The following PALM2AKAP2 variants were observed in gnomAD, a reference collection of about 807,000 sequenced individuals.
The protein encoded by PALM2AKAP2 is PALM2 and AKAP2 fusion.
A neutral mutation model predicts 71.5 loss-of-function variants in PALM2AKAP2; 37 were observed. That is an observed-to-expected ratio of 0.52 (90% confidence interval 0.40 to 0.68). The LOEUF (loss-of-function observed/expected upper bound fraction) is 0.68. Ranked by LOEUF, PALM2AKAP2 falls within the 30% of genes least tolerant of loss-of-function variation. The probability of loss-of-function intolerance (pLI) is 0.00; values close to 1 mark genes in which losing one functional copy is unlikely to be tolerated. For missense variants in PALM2AKAP2, 1,224 were observed against 1,191.8 expected, an observed-to-expected ratio of 1.03 and a Z score of -0.40; for synonymous variants, 468 against 478.8, an observed-to-expected ratio of 0.98 and a Z score of 0.29.
intron 1 of PALM2AKAP2, among the ~76,000 whole-genome samples, chr9:110,099,530 T>A (rs537543923): frequency 8.5e-5 from 13 of 152,312 alleles, no homozygotes; most frequent in Admixed American, 7.8e-4. Flanking sequence ...TTCCCTAAGA[T>A]GAACTTGAAG....
At chr9:109,963,368 A>T (rs1021094384) in intron 6 of PALM2AKAP2, among the ~76,000 whole-genome samples, 1 of 152,206 alleles carries the variant, frequency 6.6e-6, no homozygotes, top group Non-Finnish European at 1.5e-5. Flanking sequence ...TTTGGCCTTT[A>T]CTGTATTGAT....
intron 6 of PALM2AKAP2, among the ~76,000 whole-genome samples, chr9:109,982,884 A>G (rs1282842897): frequency 6.6e-6 from 1 of 152,156 alleles, no homozygotes; most frequent in Non-Finnish European, 1.5e-5. Flanking sequence ...TTGGCCTCCC[A>G]AAGTGTTAAA....
intron 1 of PALM2AKAP2, among the ~76,000 whole-genome samples, chr9:110,103,252 C>T (rs192709815): frequency 2.2e-4 from 33 of 152,300 alleles, no homozygotes; most frequent in Admixed American, 1.6e-3. Flanking sequence ...TGCCTAGTCT[C>T]CACCCTGTGT....
intron 6 of PALM2AKAP2, among the ~76,000 whole-genome samples, chr9:110,000,383 G>T (rs941971749): frequency 5.9e-5 from 9 of 152,048 alleles, no homozygotes; most frequent in African/African-American, 2.2e-4. Context: ...TGGTGTATGT[G>T]TGCCACATTT....
chr9:110,162,067 A>T (rs1836613946), intron 3 of PALM2AKAP2, 27 bp from the exon 10 acceptor site: 1 of 1,613,628 alleles, frequency 6.2e-7, no homozygotes, highest in East Asian at 2.2e-5. Context: ...GCCATGTACT[A>T]ACCCTGGTCT....
chr9:109,777,035 C>A (rs145751411), upstream of PALM2AKAP2, among the ~76,000 whole-genome samples: 265 of 152,330 alleles, frequency 1.7e-3, 1 homozygote, highest in African/African-American at 5.9e-3. Flanking sequence ...GATTCTGATG[C>A]AGATTTCTGA....
At chr9:109,873,807 C>T (rs898369229) in intron 2 of PALM2AKAP2, among the ~76,000 whole-genome samples, 3 of 152,114 alleles carry the variant, frequency 2.0e-5, no homozygotes, top group African/African-American at 7.2e-5. Context: ...CCCACCCAGC[C>T]TCTCCAGACA....
chr9:109,801,517 C>T (rs114493456), intron 1 of PALM2AKAP2, among the ~76,000 whole-genome samples: 86 of 152,304 alleles, frequency 5.6e-4, no homozygotes, highest in African/African-American at 2.0e-3. Context: ...TTTTGTTTTA[C>T]TTTCAAAAAA....
At chr9:110,170,329 A>T (rs1423044116) in exon 4 of PALM2AKAP2, 4 of 152,644 alleles carry the variant, frequency 2.6e-5, no homozygotes, top group African/African-American at 9.6e-5. Flanking sequence ...TTGTTATGTC[A>T]TAAGCTCTAT....
At chr9:109,925,075 G>A (rs747546035) in exon 5 of PALM2AKAP2, 35 of 1,614,122 alleles carry the variant, frequency 2.2e-5, no homozygotes, top group East Asian at 1.3e-4. Flanking sequence ...TCTCCAGTAC[G>A]GATGGAGGTA....
intron 1 of PALM2AKAP2, among the ~76,000 whole-genome samples, chr9:109,793,869 A>G (rs1827181293): frequency 6.6e-6 from 1 of 152,252 alleles, no homozygotes; most frequent in South Asian, 2.1e-4. Flanking sequence ...AACCATGCCC[A>G]TTCATGTATG....
intron 1 of PALM2AKAP2, among the ~76,000 whole-genome samples, chr9:110,069,449 C>A (rs1473442925): frequency 6.6e-6 from 1 of 152,152 alleles, no homozygotes. Context: ...GAGACAGGTT[C>A]ATTTTTAGTA....
Position 109,837,969 on chromosome 9 carries a change from C to T in PALM2AKAP2, c.46-29522C>T, listed in dbSNP as rs148147429. Among the ~76,000 whole-genome samples the T allele has an allele frequency of 3.2e-3, 482 of 152,184 alleles. 1 individual carries two copies. Among genetic ancestry groups the T allele is most frequent in the African/African-American group, 0.011 (449 of 41,524 alleles). On this transcript the variant is annotated intron_variant, in intron 1 of 9. Coordinates refer to the PALM2AKAP2 transcript ENST00000302798. ...CCCACTATCAACATTAGACAGATAACGAGACAGAAAGTTAGCAAGGATATC... is the reference window on the plus strand; with the variant it reads ...CCCACTATCAACATTAGACAGATAATGAGACAGAAAGTTAGCAAGGATATC...
intron 1 of PALM2AKAP2, among the ~76,000 whole-genome samples, chr9:109,673,353 A>G (rs747833090): frequency 6.6e-6 from 1 of 152,042 alleles, no homozygotes; most frequent in Non-Finnish European, 1.5e-5. Flanking sequence ...CCTTAATTTC[A>G]TTATTTACCC....
intron 1 of PALM2AKAP2, among the ~76,000 whole-genome samples, chr9:109,714,839 C>T (rs530486975): frequency 3.3e-5 from 5 of 152,286 alleles, no homozygotes; most frequent in South Asian, 2.1e-4. Flanking sequence ...GGAGGAATAA[C>T]GGCCCCATCT....
chr9:109,939,778 T>C (rs1304763588), intron 6 of PALM2AKAP2, among the ~76,000 whole-genome samples: 1 of 152,240 alleles, frequency 6.6e-6, no homozygotes, highest in African/African-American at 2.4e-5. Context: ...TACACAGTCA[T>C]TGTGTGTGTC....
At chr9:110,155,569 T>C (rs903383318) in intron 2 of PALM2AKAP2, among the ~76,000 whole-genome samples, 1 of 152,126 alleles carries the variant, frequency 6.6e-6, no homozygotes, top group Non-Finnish European at 1.5e-5. Flanking sequence ...TTGGAGGACA[T>C]TGCGAGAGCT....
At chr9:109,841,412 T>C (rs1328604147) in intron 1 of PALM2AKAP2, among the ~76,000 whole-genome samples, 1 of 144,658 alleles carries the variant, frequency 6.9e-6, no homozygotes, top group Non-Finnish European at 1.5e-5. Flanking sequence ...ATATACCTAA[T>C]GTAAATGATG....
chr9:109,726,768 CA>C (rs1326518624), intron 1 of PALM2AKAP2, among the ~76,000 whole-genome samples: 1 of 152,086 alleles, frequency 6.6e-6, no homozygotes, highest in Non-Finnish European at 1.5e-5. Context: ...ACTGTATAGT[CA>C]AATACAATAG....
Sources: allele counts gnomAD v4.1 joint callset (sites outside exome capture counted in the v4.1 genomes callset), GRCh38; gene constraint gnomAD v4.1.1; transcripts MANE v1.5; gene names NCBI Gene and HGNC (gene_info 2026-07-23, HGNC 2026-07-21).